The following ZFHX3 variants were observed in gnomAD, a reference collection of about 807,000 sequenced individuals.
ZFHX3 encodes the protein zinc finger homeobox 3, also known as zinc finger homeobox protein 3.
A neutral mutation model predicts 279.1 loss-of-function variants in ZFHX3; 42 were observed. That is an observed-to-expected ratio of 0.15 (90% CI 0.12 to 0.19). The LOEUF is 0.19. Among genes scored for constraint, ZFHX3 ranks in the 10% least tolerant of loss-of-function variants. ZFHX3 has a pLI of 1.00. For synonymous variants in ZFHX3, 2,293 were observed against 1,957.8 expected, an observed-to-expected ratio of 1.17 and a Z score of -4.52; for missense variants, 4,981 against 4,754.0, an observed-to-expected ratio of 1.05 and a Z score of -1.40.
At chr16:72,856,743 T>C (rs1394353797) in intron 4 of ZFHX3, among the ~76,000 whole-genome samples, 4 of 152,196 alleles carry the variant, frequency 2.6e-5, no homozygotes, top group Non-Finnish European at 5.9e-5. Flanking sequence ...TTCTTCCCTA[T>C]ACACATCAGC....
chr16:73,721,423 C>T (rs1246152058), intron 1 of ZFHX3, among the ~76,000 whole-genome samples: 1 of 152,158 alleles, frequency 6.6e-6, no homozygotes. Flanking sequence ...AGCCTTCTTC[C>T]TCCATATTTT....
chr16:73,762,440 C>T (rs1017736978), intron 1 of ZFHX3, among the ~76,000 whole-genome samples: 2 of 152,128 alleles, frequency 1.3e-5, no homozygotes, highest in African/African-American at 4.8e-5. Context: ...AGATCTAAAA[C>T]CAGAAATACC....
intron 2 of ZFHX3, among the ~76,000 whole-genome samples, chr16:73,542,040 T>C (rs1225984080): frequency 6.6e-6 from 1 of 152,016 alleles, no homozygotes; most frequent in Non-Finnish European, 1.5e-5. Context: ...GACCTCGTGA[T>C]CTGCCCACCT....
chr16:73,772,370 C>T (rs144567149), intron 1 of ZFHX3, among the ~76,000 whole-genome samples: 133 of 152,328 alleles, frequency 8.7e-4, no homozygotes, highest in Admixed American at 2.2e-3. Flanking sequence ...TGCAGATAAA[C>T]TCCCCCTCAT....
chr16:73,239,590 G>A (rs996804142), intron 5 of ZFHX3, among the ~76,000 whole-genome samples: 1 of 152,150 alleles, frequency 6.6e-6, no homozygotes, highest in Non-Finnish European at 1.5e-5. Flanking sequence ...TTGAGGTCAG[G>A]GACTGATTCT....
At chr16:73,164,639 G>T (rs567458460) in intron 5 of ZFHX3, among the ~76,000 whole-genome samples, 28 of 151,256 alleles carry the variant, frequency 1.9e-4, no homozygotes, top group African/African-American at 4.1e-4. Context: ...GGCAGAGGCT[G>T]CAGTGACCTG....
At chr16:73,459,073 G>A (rs957230335) in intron 2 of ZFHX3, among the ~76,000 whole-genome samples, 6 of 152,306 alleles carry the variant, frequency 3.9e-5, no homozygotes, top group African/African-American at 4.8e-5. Flanking sequence ...GAGTAGACAC[G>A]TATGTGAGAC....
At chr16:73,880,047 G>T (rs2030091879) in intron 1 of ZFHX3, among the ~76,000 whole-genome samples, 3 of 152,216 alleles carry the variant, frequency 2.0e-5, no homozygotes, top group South Asian at 4.1e-4. Flanking sequence ...TGGTGGAATC[G>T]GCGTGAATGG....
chr16:73,535,339 C>A (rs942550514), intron 2 of ZFHX3, among the ~76,000 whole-genome samples: 1 of 152,124 alleles, frequency 6.6e-6, no homozygotes, highest in African/African-American at 2.4e-5. Context: ...GTTTAACAAC[C>A]TTCTCATCAA....
intron 4 of ZFHX3, among the ~76,000 whole-genome samples, chr16:73,313,627 C>A (rs570853098): frequency 6.6e-6 from 1 of 152,064 alleles, no homozygotes; most frequent in African/African-American, 2.4e-5. Context: ...GACTCCATAG[C>A]GGTATTAGTA....
chr16:73,074,523 C>A (rs765709988), intron 8 of ZFHX3, among the ~76,000 whole-genome samples: 2 of 152,208 alleles, frequency 1.3e-5, no homozygotes, highest in Non-Finnish European at 2.9e-5. Flanking sequence ...CATAAACGCC[C>A]ACCATGCTAA....
intron 1 of ZFHX3, among the ~76,000 whole-genome samples, chr16:73,788,205 G>C (rs1466048061): frequency 1.3e-5 from 2 of 152,178 alleles, no homozygotes; most frequent in Non-Finnish European, 2.9e-5. Flanking sequence ...GGAAGAACCA[G>C]AGTAAAATAC....
At chr16:73,867,812 G>A (rs1962066349) in intron 1 of ZFHX3, among the ~76,000 whole-genome samples, 4 of 152,170 alleles carry the variant, frequency 2.6e-5, no homozygotes, top group Admixed American at 2.6e-4. Context: ...ACTGTCATTT[G>A]AGAATTGGCA....
chr16:73,625,808 G>A (rs577649334), intron 2 of ZFHX3, among the ~76,000 whole-genome samples: 148 of 152,260 alleles, frequency 9.7e-4, no homozygotes, highest in Non-Finnish European at 1.7e-3. Context: ...ACCGAGCAGC[G>A]AAGCTCTAAA....
chr16:73,090,996 G>T (rs1402271723), intron 8 of ZFHX3, among the ~76,000 whole-genome samples: 2 of 150,682 alleles, frequency 1.3e-5, no homozygotes, highest in African/African-American at 4.9e-5. Context: ...CGGATCACAA[G>T]GTCAGGAGAT....
chr16:73,055,374 C>T (rs1341242723), intron 1 of ZFHX3, among the ~76,000 whole-genome samples: 1 of 152,014 alleles, frequency 6.6e-6, no homozygotes, highest in Non-Finnish European at 1.5e-5. Context: ...GACCAAACAC[C>T]TGAAAGGGGG....
At chr16:72,813,870 C>T (rs1393770958) in intron 5 of ZFHX3, among the ~76,000 whole-genome samples, 8 of 152,178 alleles carry the variant, frequency 5.3e-5, no homozygotes, top group South Asian at 4.1e-4. Context: ...TCCTATGGAA[C>T]GTCGCGTTGC....
chr16:73,711,160 TC>T (rs2053359141), intron 1 of ZFHX3, among the ~76,000 whole-genome samples: 1 of 152,114 alleles, frequency 6.6e-6, no homozygotes, highest in Non-Finnish European at 1.5e-5. Context: ...ATCCATTCCC[TC>T]TCCCCAAAAT....
chr16:73,243,790 T>C (rs2013198375), intron 5 of ZFHX3, among the ~76,000 whole-genome samples: 1 of 152,028 alleles, frequency 6.6e-6, no homozygotes, highest in African/African-American at 2.4e-5. Flanking sequence ...GTGGCTTAAT[T>C]TGGACTTACG....
Sources: gnomAD v4.1 joint callset for allele counts (sites outside exome capture counted in the v4.1 genomes callset) on GRCh38, gnomAD v4.1.1 for gene constraint, MANE v1.5 for transcripts, NCBI Gene and HGNC (gene_info 2026-07-23, HGNC 2026-07-21) for gene names.